The following MACROD2 variants were observed in gnomAD, a reference collection of about 807,000 sequenced individuals.
The protein encoded by MACROD2 is mono-ADP ribosylhydrolase 2, also known as ADP-ribose glycohydrolase MACROD2.
A neutral mutation model predicts 70.4 loss-of-function variants in MACROD2; 36 were observed. That is an observed-to-expected ratio of 0.51 (90% CI 0.39 to 0.68). The LOEUF is 0.68. MACROD2 is among the 30% of genes least tolerant of loss of function. The probability of loss-of-function intolerance (pLI) is 0.00; values close to 1 mark genes in which losing one functional copy is unlikely to be tolerated. For synonymous variants in MACROD2, 172 were observed against 178.8 expected, an observed-to-expected ratio of 0.96 and a Z score of 0.30; for missense variants, 496 against 538.4, an observed-to-expected ratio of 0.92 and a Z score of 0.78.
At chr20:14,026,279 G>A (rs1356594616) in intron 2 of MACROD2, among the ~76,000 whole-genome samples, 4 of 152,174 alleles carry the variant, frequency 2.6e-5, no homozygotes, top group Non-Finnish European at 5.9e-5. Context: ...ACACTGATGA[G>A]TCTTGACTCT....
At chr20:15,490,512 A>G (rs1306602924) in intron 7 of MACROD2, among the ~76,000 whole-genome samples, 2 of 151,996 alleles carry the variant, frequency 1.3e-5, no homozygotes, top group Admixed American at 6.6e-5. Flanking sequence ...CCTCCTGCCA[A>G]AACATCCCCA....
intron 5 of MACROD2, among the ~76,000 whole-genome samples, chr20:15,070,704 C>A (rs147317467): frequency 1.3e-5 from 2 of 152,234 alleles, no homozygotes; most frequent in East Asian, 3.9e-4. Context: ...AAGCTTCCTG[C>A]AGCCTCACCA....
At chr20:14,493,820 A>G (rs546306534) in intron 4 of MACROD2, 2 of 175,652 alleles carry the variant, frequency 1.1e-5, no homozygotes, top group South Asian at 1.6e-4. Context: ...CAGAGTAACT[A>G]TGTACATATT....
chr20:15,574,500 G>T (rs1316840897), intron 8 of MACROD2, among the ~76,000 whole-genome samples: 1 of 152,106 alleles, frequency 6.6e-6, no homozygotes, highest in Non-Finnish European at 1.5e-5. Flanking sequence ...AGCACTAATG[G>T]TGTTTTGTTC....
chr20:15,734,904 T>C (rs1297939853), intron 8 of MACROD2, among the ~76,000 whole-genome samples: 1 of 152,184 alleles, frequency 6.6e-6, no homozygotes, highest in African/African-American at 2.4e-5. Flanking sequence ...CTATCTTGAA[T>C]TGTAACAACA....
intron 3 of MACROD2, among the ~76,000 whole-genome samples, chr20:14,202,069 G>C (rs1569204147): frequency 6.6e-6 from 1 of 152,018 alleles, no homozygotes; most frequent in African/African-American, 2.4e-5. Context: ...ATAAATAGGA[G>C]TCTTTTATCT....
intron 15 of MACROD2, among the ~76,000 whole-genome samples, chr20:16,013,525 T>G (rs186945241): frequency 1.3e-5 from 2 of 152,290 alleles, no homozygotes; most frequent in East Asian, 3.9e-4. Context: ...ACACCTCCAG[T>G]CAAGGCCATG....
chr20:15,100,206 G>A (rs771547208), intron 5 of MACROD2, among the ~76,000 whole-genome samples: 10 of 152,002 alleles, frequency 6.6e-5, no homozygotes, highest in African/African-American at 1.7e-4. Context: ...CAAAATGCTG[G>A]GATCTGTAGC....
chr20:15,206,602 C>A (rs1292627127), intron 5 of MACROD2, among the ~76,000 whole-genome samples: 1 of 151,708 alleles, frequency 6.6e-6, no homozygotes, highest in Non-Finnish European at 1.5e-5. Flanking sequence ...CTCTCAAAGG[C>A]ACTGCTCTGA....
At chr20:14,942,128 C>T (rs2074395834) in intron 5 of MACROD2, among the ~76,000 whole-genome samples, 1 of 151,988 alleles carries the variant, frequency 6.6e-6, no homozygotes, top group Non-Finnish European at 1.5e-5. Flanking sequence ...GACACTCTAA[C>T]AATGTGTTGC....
chr20:15,137,805 C>A (rs11908594), intron 5 of MACROD2, among the ~76,000 whole-genome samples: 89,708 of 151,882 alleles, frequency 0.59, 26,614 homozygotes, highest in East Asian at 0.61. Flanking sequence ...CTACATTAAT[C>A]AATCTTTTTC....
chr20:14,597,428 A>G (rs1209198924), intron 4 of MACROD2, among the ~76,000 whole-genome samples: 1 of 152,152 alleles, frequency 6.6e-6, no homozygotes, highest in African/African-American at 2.4e-5. Flanking sequence ...GTGCTCAAAG[A>G]GTGAGTTGAC....
chr20:15,003,215 C>T (rs2075009273), intron 5 of MACROD2, among the ~76,000 whole-genome samples: 1 of 152,256 alleles, frequency 6.6e-6, no homozygotes, highest in South Asian at 2.1e-4. Context: ...TGGCATAATC[C>T]TATGAACCTC....
At chr20:14,735,283 A>G (rs2071649971) in intron 5 of MACROD2, among the ~76,000 whole-genome samples, 1 of 152,124 alleles carries the variant, frequency 6.6e-6, no homozygotes, top group Non-Finnish European at 1.5e-5. Context: ...ACAACTAAAC[A>G]ACTGAAAGAG....
rs534560249 is a variant in MACROD2 at position 15,918,816 on chromosome 20, A to C, written c.776-14460A>C. ...GTTTCTGTCTACTGCTGCCTGCTACATCCACTGCCTCCTCATGGGGCTCCA... is the reference window on the plus strand; with the variant it reads ...GTTTCTGTCTACTGCTGCCTGCTACCTCCACTGCCTCCTCATGGGGCTCCA... On this transcript the variant is annotated intron_variant, in intron 10 of 17. Coordinates refer to ENST00000684519, the MANE Select transcript of MACROD2 (RefSeq NM_001351661.2). Among the ~76,000 whole-genome samples, 8 of 152,238 alleles carry C rather than the reference A, an allele frequency of 5.3e-5. No individual in the cohort carries two copies. In the South Asian group the frequency reaches 1.7e-3, roughly 32 times the overall value.
intron 8 of MACROD2, among the ~76,000 whole-genome samples, chr20:15,626,654 A>G (rs888802445): frequency 2.0e-5 from 3 of 152,320 alleles, no homozygotes; most frequent in Middle Eastern, 3.4e-3. Context: ...CAGGAGTTTG[A>G]GACCAGCTTG....
intron 3 of MACROD2, among the ~76,000 whole-genome samples, chr20:14,270,185 A>G (rs1057358422): frequency 6.6e-6 from 1 of 152,218 alleles, no homozygotes; most frequent in African/African-American, 2.4e-5. Flanking sequence ...CAAAAACAAC[A>G]TATGAAAGTG....
At chr20:15,279,453 T>A (rs1036301215) in intron 6 of MACROD2, among the ~76,000 whole-genome samples, 1 of 152,182 alleles carries the variant, frequency 6.6e-6, no homozygotes, top group Non-Finnish European at 1.5e-5. Flanking sequence ...AATGCAGATC[T>A]AAGGTCCAAG....
intron 4 of MACROD2, among the ~76,000 whole-genome samples, chr20:14,521,849 T>C (rs964625585): frequency 6.6e-6 from 1 of 152,212 alleles, no homozygotes; most frequent in East Asian, 1.9e-4. Flanking sequence ...CAGGATTCTC[T>C]TTGTTTATAT....
Sources: allele counts gnomAD v4.1 joint callset (sites outside exome capture counted in the v4.1 genomes callset), GRCh38; gene constraint gnomAD v4.1.1; transcripts MANE v1.5; gene names NCBI Gene and HGNC (gene_info 2026-07-23, HGNC 2026-07-21).